The following DCLK2 variants were observed in gnomAD, a reference collection of about 807,000 sequenced individuals.
DCLK2 encodes the protein serine/threonine-protein kinase DCLK2.
DCLK2 carries 31 observed loss-of-function variants against 78.4 expected under a neutral mutation model. The ratio of observed to expected loss-of-function variants is 0.40; its 90% CI spans 0.30 to 0.53. The LOEUF (loss-of-function observed/expected upper bound fraction) is 0.53, where lower values mean the gene tolerates loss of function less well. Among genes scored for constraint, DCLK2 ranks in the 20% least tolerant of loss-of-function variants. DCLK2 has a pLI of 0.61. For synonymous variants in DCLK2, 407 were observed against 374.9 expected (o/e 1.09, Z -0.99); for missense variants, 872 against 973.7 (o/e 0.90, Z 1.39).
intron 2 of DCLK2, among the ~76,000 whole-genome samples, chr4:150,117,515 C>T (rs1412662846): frequency 6.6e-6 from 1 of 152,186 alleles, no homozygotes; most frequent in Non-Finnish European, 1.5e-5. Flanking sequence ...TCATCCCCCC[C>T]TTAAGATTAT....
rs1272031224 is a variant in DCLK2, at chr4:150,218,541, G to A, written c.1057-2162G>A. 3.3e-5 allele frequency among the ~76,000 whole-genome samples: 5 copies of A among 152,120 alleles called. No individual in the cohort carries two copies. In the South Asian group the frequency reaches 8.3e-4, roughly 25 times the overall value. On this transcript the variant is annotated intron_variant, in intron 5 of 15. Transcript: ENST00000296550. ...TTGTAGGACCATTACCTGCTTCCAG[G>A]ACAGATGAACAAGCAGGCTTCATGG...
chr4:150,120,792 G>T (rs1380850626), intron 2 of DCLK2, among the ~76,000 whole-genome samples: 1 of 152,120 alleles, frequency 6.6e-6, no homozygotes, highest in African/African-American at 2.4e-5. Context: ...CTGCAGGCTG[G>T]GCATGGTGGC....
At chr4:150,216,721 G>A (rs1421600343) in intron 5 of DCLK2, among the ~76,000 whole-genome samples, 4 of 152,146 alleles carry the variant, frequency 2.6e-5, no homozygotes, top group Admixed American at 2.0e-4. Flanking sequence ...ACTGCTGCCA[G>A]AGAAGTGACG....
At chr4:150,117,878 A>G (rs1450096432) in intron 2 of DCLK2, among the ~76,000 whole-genome samples, 4 of 152,112 alleles carry the variant, frequency 2.6e-5, no homozygotes, top group Non-Finnish European at 4.4e-5. Flanking sequence ...ACCACACACT[A>G]TTTTGTCTTT....
intron 5 of DCLK2, among the ~76,000 whole-genome samples, chr4:150,209,314 C>T (rs987191700): frequency 6.6e-6 from 1 of 152,194 alleles, no homozygotes; most frequent in African/African-American, 2.4e-5. Flanking sequence ...CTGCAGGCCA[C>T]ACACAGCCTC....
chr4:150,162,296 T>C (rs2150245885), intron 2 of DCLK2, among the ~76,000 whole-genome samples: 1 of 152,310 alleles, frequency 6.6e-6, no homozygotes, highest in African/African-American at 2.4e-5. Context: ...CCTCTCAAAG[T>C]GCTGTGATTA....
At chr4:150,125,495 T>G (rs1732857500) in intron 2 of DCLK2, among the ~76,000 whole-genome samples, 2 of 152,232 alleles carry the variant, frequency 1.3e-5, no homozygotes, top group Admixed American at 1.3e-4. Flanking sequence ...TTCCAAAGTT[T>G]TATATACTAT....
Position 150,232,717 on chromosome 4 carries a change from C to G in DCLK2, c.1455C>G (p.Thr485=). 6.2e-7 allele frequency: 1 copy of G among 1,612,906 alleles called. No individual in the cohort carries two copies. The highest frequency in any genetic ancestry group is 8.5e-7 in the Non-Finnish European group (1 of 1,179,562). The change falls in exon 10 of 16, where the codon ACC becomes ACG. Residue 485 remains threonine (T), a synonymous_variant. Transcript: ENST00000296550. ...TCTTTGATGCAATTACTTCGTCGAC[C>G]AAGTACACTGAGAGAGATGGCAGTG... ...GDLFDAITSS[T]KYTERDGSAM... is the part of the protein sequence containing the mutation.
chr4:150,243,766 C>T (rs1031097327), intron 12 of DCLK2, among the ~76,000 whole-genome samples: 1 of 151,162 alleles, frequency 6.6e-6, no homozygotes, highest in Non-Finnish European at 1.5e-5. Flanking sequence ...TGCTCTGTCA[C>T]CCAGGCTGGT....
intron 2 of DCLK2, among the ~76,000 whole-genome samples, chr4:150,160,534 A>C (rs1242666245): frequency 6.6e-6 from 1 of 152,262 alleles, no homozygotes; most frequent in Non-Finnish European, 1.5e-5. Flanking sequence ...AGGAAGTTAA[A>C]TAACTTGTTC....
In DCLK2 at chr4:150,198,021, A is replaced by C; in HGVS notation, c.879A>C (p.Ser293=). ...LDHSECRVLK[S]SYSRSSAVKY... Reference sequence around the variant, plus strand: ...TTCTAGAATGTCGTGTCCTGAAGTCATCTTATTCTCGATCCTCAGCTGTTA... The same window carrying C: ...TTCTAGAATGTCGTGTCCTGAAGTCCTCTTATTCTCGATCCTCAGCTGTTA... The change falls in exon 4 of 16, where the codon TCA becomes TCC. Residue 293 remains serine, a synonymous_variant. Transcript: ENST00000296550. 6.2e-7 allele frequency: 1 copy of C among 1,613,542 alleles called. No homozygotes were observed. Among genetic ancestry groups the C allele is most frequent in the Admixed American group, 1.7e-5 (1 of 59,844 alleles).
At chr4:150,121,390 C>A (rs1223886391) in intron 2 of DCLK2, among the ~76,000 whole-genome samples, 1 of 152,202 alleles carries the variant, frequency 6.6e-6, no homozygotes. Flanking sequence ...GGAGTAGATT[C>A]CACCTCAAGG....
intron 2 of DCLK2, among the ~76,000 whole-genome samples, chr4:150,169,611 C>T (rs964905372): frequency 4.0e-5 from 6 of 150,354 alleles, no homozygotes; most frequent in Non-Finnish European, 7.4e-5. Flanking sequence ...GAGCCAAGAT[C>T]GCACCATTGC....
At chr4:150,184,792 G>A (rs1003646801) in intron 2 of DCLK2, among the ~76,000 whole-genome samples, 4 of 151,838 alleles carry the variant, frequency 2.6e-5, no homozygotes, top group Admixed American at 1.3e-4. Flanking sequence ...TAGTAGAGAC[G>A]GGGTTTCACC....
At chr4:150,125,154 A>G (rs1476562783) in intron 2 of DCLK2, among the ~76,000 whole-genome samples, 1 of 152,146 alleles carries the variant, frequency 6.6e-6, no homozygotes. Context: ...ATTCCCACAT[A>G]AGGAATGCCA....
chr4:150,249,323 C>A (rs1178352133), intron 14 of DCLK2, among the ~76,000 whole-genome samples: 3 of 152,102 alleles, frequency 2.0e-5, no homozygotes, highest in Non-Finnish European at 2.9e-5. Flanking sequence ...TGTGCCCTCT[C>A]CTGGGCCTAC....
chr4:150,119,299 C>T (rs554235593), intron 2 of DCLK2, among the ~76,000 whole-genome samples: 2 of 152,018 alleles, frequency 1.3e-5, no homozygotes, highest in Non-Finnish European at 2.9e-5. Context: ...CTTCTTTTAT[C>T]CTCTGAGCGA....
In DCLK2 at chr4:150,195,705, C is replaced by T. The variant is rs1738985274; in HGVS notation, c.860-2297C>T. On this transcript the variant is annotated intron_variant, in intron 3 of 15. Transcript: ENST00000296550. ...CTCAGTGCTTCATGGGTATGTTGTA[C>T]TTTGATCTAAGCTACTTGGATCGTT... is the stretch of plus-strand genomic sequence containing the variant. Among the ~76,000 whole-genome samples the T allele has an allele frequency of 2.7e-5, 4 of 150,714 alleles. No individual in the cohort carries two copies. In the South Asian group the frequency reaches 8.3e-4, roughly 31 times the overall value.
At chr4:150,082,715 G>A (rs1729391957) in intron 1 of DCLK2, among the ~76,000 whole-genome samples, 1 of 152,144 alleles carries the variant, frequency 6.6e-6, no homozygotes, top group Non-Finnish European at 1.5e-5. Context: ...TAAGCTGTGA[G>A]CCTGCTGAGC....
Sources: allele counts gnomAD v4.1 joint callset (sites outside exome capture counted in the v4.1 genomes callset), GRCh38; gene constraint gnomAD v4.1.1; transcripts MANE v1.5; gene names NCBI Gene and HGNC (gene_info 2026-07-23, HGNC 2026-07-21).